C5orf47: variants seen among roughly 807,000 people sequenced by gnomAD.
C5orf47 encodes the protein chromosome 5 open reading frame 47.
In C5orf47, 20 loss-of-function variants were observed where a neutral mutation model predicts 20.6. That is an observed-to-expected ratio of 0.97 (90% confidence interval 0.68 to 1.41). The LOEUF is 1.41. Among genes scored for constraint, C5orf47 ranks in the 40% most tolerant of loss-of-function variants. C5orf47 has a pLI of 0.00. For synonymous variants in C5orf47, 106 were observed against 97.3 expected, an observed-to-expected ratio of 1.09 and a Z score of -0.53; for missense variants, 262 against 238.4, an observed-to-expected ratio of 1.10 and a Z score of -0.65.
chr5:173,999,777 A>T lies in C5orf47; in HGVS notation c.489A>T (p.Lys163Asn). Reference protein sequence around the residue: ...EENEKYRHRLKCQRLSSESSN... With the variant: ...EENEKYRHRLNCQRLSSESSN... ...ATGAAAAATATAGACACAGGCTGAA[A>T]TGCCAAAGGTTATCTAGTGAAAGTA... Residue 163 changes from lysine (K) to asparagine (N), a missense_variant, in exon 3 of 5, where the codon AAA becomes AAT. By Grantham distance (94) the Lys-to-Asn change is moderately conservative. Coordinates refer to ENST00000340147, the MANE Select transcript of C5orf47 (RefSeq NM_001144954.2). 1 of 1,534,456 alleles carries T rather than the reference A, an allele frequency of 6.5e-7. No homozygotes were observed. Among genetic ancestry groups the T allele is most frequent in the Non-Finnish European group, 8.8e-7 (1 of 1,134,606 alleles).
In C5orf47 at chr5:174,004,839, T is replaced by G. The variant is rs1262381554; in HGVS notation, c.*585T>G. Reference sequence around the variant, plus strand: ...TTAGTAAATGTATGCATTTATAATATGGATATATTATAATGGACTATATTA... The same window carrying G: ...TTAGTAAATGTATGCATTTATAATAGGGATATATTATAATGGACTATATTA... On this transcript the variant is annotated 3_prime_UTR_variant, in exon 5 of 5. Transcript: ENST00000340147. 6.6e-6 allele frequency: 1 copy of G among 152,150 alleles called. No homozygotes were observed. The highest frequency in any genetic ancestry group is 1.5e-5 in the Non-Finnish European group (1 of 68,012). 9.4% of individuals were successfully genotyped at this position (152,150 alleles called of 1,614,324 possible).
chr5:173,989,539 G>C lies in C5orf47; in HGVS notation c.276G>C (p.Gln92His). 1 of 1,523,118 alleles carries C rather than the reference G, an allele frequency of 6.6e-7. No homozygotes were observed. The highest frequency in any genetic ancestry group is 8.8e-7 in the Non-Finnish European group (1 of 1,135,028). The allele number at this position is 1,523,118 out of a possible 1,614,324, so 94.4% of individuals were successfully genotyped here. ...AGGCTGCGGCCTCTGCCTCCTCCCA[G>C]CTGCGGGCATCGAGAGTTCAGAGCG... Reference protein sequence around the residue: ...GVEAAASASSQLRASRVQSGT... With the variant: ...GVEAAASASSHLRASRVQSGT... The change falls in exon 1 of 5, where the codon CAG becomes CAC. Residue 92 changes from glutamine (Q) to histidine (H), a missense_variant. Physicochemically the swap from Gln to His is conservative, Grantham distance 24. Transcript: ENST00000340147.
rs61730190 is a variant in C5orf47 at position 173,989,362 on chromosome 5, C to A, written c.99C>A (p.Gly33=). ...AGTGCAGTGGCGTCCTGCAACTGGG[C>A]GGCCGTGGAGCTCAAGGCCTTTGGG... ...SHQCSGVLQL[G]GRGAQGLWGQ... The change falls in exon 1 of 5, where the codon GGC becomes GGA. Residue 33 remains glycine (G), a synonymous_variant. Transcript: ENST00000340147. 0.12 allele frequency: 186,897 copies of A among 1,510,714 alleles called. 12,634 individuals carry two copies. The highest frequency in any genetic ancestry group is 0.14 in the Non-Finnish European group (157,573 of 1,125,952). The allele number at this position is 1,510,714 out of a possible 1,614,324, so 93.6% of individuals were successfully genotyped here. A position where few individuals can be genotyped will look rare whatever the true frequency, so the allele number is the denominator to read the frequency against.
chr5:174,003,491 A>C (rs1347670847), intron 4 of C5orf47, among the ~76,000 whole-genome samples: 1 of 152,134 alleles, frequency 6.6e-6, no homozygotes, highest in Non-Finnish European at 1.5e-5. Context: ...TGGCATGTTG[A>C]ATTTTAGGTA....
chr5:174,008,013 T>C (rs911444533), downstream of C5orf47, among the ~76,000 whole-genome samples: 4 of 152,176 alleles, frequency 2.6e-5, no homozygotes, highest in Non-Finnish European at 4.4e-5. Context: ...GTAAAAGATG[T>C]GTGTGCTCCC....
intron 1 of C5orf47, among the ~76,000 whole-genome samples, chr5:173,990,466 GC>G (rs1255551951): frequency 1.3e-5 from 2 of 151,684 alleles, no homozygotes; most frequent in African/African-American, 4.9e-5. Context: ...ATGGAGTCTT[GC>G]CCTGTTGCCC....
chr5:173,989,638 C>T (rs1209447286), intron 1 of C5orf47, 50 bp downstream of exon 1: 35 of 1,329,342 alleles, frequency 2.6e-5, no homozygotes, highest in South Asian at 3.6e-5. Flanking sequence ...CGGGACGGGG[C>T]GGAGCGGGCT....
At chr5:174,009,238 C>T (rs1222496987), downstream of C5orf47, among the ~76,000 whole-genome samples, 1 of 152,114 alleles carries the variant, frequency 6.6e-6, no homozygotes, top group Admixed American at 6.6e-5. Context: ...CCTCCAGTGT[C>T]CTGGAGAGAT....
At chr5:174,003,259 G>A (rs1759230415) in intron 4 of C5orf47, among the ~76,000 whole-genome samples, 1 of 152,162 alleles carries the variant, frequency 6.6e-6, no homozygotes, top group Non-Finnish European at 1.5e-5. Flanking sequence ...TTTGTGGAAA[G>A]ATTTGGAATG....
intron 1 of C5orf47, among the ~76,000 whole-genome samples, chr5:173,989,894 AC>A (rs1758957068): frequency 6.6e-6 from 1 of 152,056 alleles, no homozygotes; most frequent in Non-Finnish European, 1.5e-5. Flanking sequence ...GACTTCGCAA[AC>A]CCCCTCACCT....
At chr5:174,001,666 G>A (rs1243928345) in intron 4 of C5orf47, among the ~76,000 whole-genome samples, 1 of 151,992 alleles carries the variant, frequency 6.6e-6, no homozygotes, top group African/African-American at 2.4e-5. Context: ...TGTAGGCTGT[G>A]TTATGGCCCT....
chr5:173,993,775 A>C (rs897699647), intron 1 of C5orf47, among the ~76,000 whole-genome samples: 1 of 152,224 alleles, frequency 6.6e-6, no homozygotes, highest in Non-Finnish European at 1.5e-5. Flanking sequence ...TTTGTTTACT[A>C]TTCTTTCAAA....
chr5:174,007,911 C>T (rs866660072), downstream of C5orf47, among the ~76,000 whole-genome samples: 32 of 152,140 alleles, frequency 2.1e-4, no homozygotes, highest in African/African-American at 7.2e-4. Context: ...ATTGCTTGTT[C>T]ATCCCACAGA....
chr5:174,001,432 CA>C (rs1392538405), intron 4 of C5orf47, among the ~76,000 whole-genome samples: 4 of 152,136 alleles, frequency 2.6e-5, no homozygotes, highest in Middle Eastern at 6.8e-3. Flanking sequence ...GCCCCATGTC[CA>C]TCATGCTATT....
chr5:173,998,018 T>G, intron 1 of C5orf47, 135 bp from the exon 2 acceptor site: 1 of 594,800 alleles, frequency 1.7e-6, no homozygotes, highest in South Asian at 2.1e-5. Context: ...TAAACCAGTA[T>G]TACCTGGTGA....
intron 1 of C5orf47, among the ~76,000 whole-genome samples, chr5:173,995,984 C>T (rs1027404244): frequency 1.3e-5 from 2 of 152,178 alleles, no homozygotes; most frequent in Non-Finnish European, 2.9e-5. Flanking sequence ...AGTTCCCTGT[C>T]CTTACAGAAC....
rs758806661 is a variant in C5orf47 at position 173,989,432 on chromosome 5, G to A, written c.169G>A (p.Ala57Thr). 1.3e-6 allele frequency: 2 copies of A among 1,549,616 alleles called. No homozygotes were observed. The highest frequency in any genetic ancestry group is 2.4e-5 in the East Asian group (1 of 40,928). Residue 57 changes from alanine to threonine, a missense_variant, in exon 1 of 5, where the codon GCA becomes ACA. Physicochemically the swap from Ala to Thr is moderately conservative, Grantham distance 58. Coordinates refer to ENST00000340147, the MANE Select transcript of C5orf47 (RefSeq NM_001144954.2). ...AGCRQEKPRE[A>T]MAVAGVQGGS... ...CTGTCGCCAGGAGAAGCCGAGGGAAGCAATGGCGGTGGCGGGCGTTCAGGG... is the reference window on the plus strand; with the variant it reads ...CTGTCGCCAGGAGAAGCCGAGGGAAACAATGGCGGTGGCGGGCGTTCAGGG...
downstream of C5orf47, among the ~76,000 whole-genome samples, chr5:174,006,787 C>G (rs1478568099): frequency 6.6e-6 from 1 of 152,120 alleles, no homozygotes; most frequent in Admixed American, 6.6e-5. Context: ...GTTCCTGAGT[C>G]ATGGACTATA....
At chr5:173,999,927 G>A in intron 3 of C5orf47, 128 bp downstream of exon 3, 1 of 545,048 alleles carries the variant, frequency 1.8e-6, no homozygotes, top group South Asian at 2.8e-5. Flanking sequence ...TAGAAATGAG[G>A]CTACCATATT....
Sources: gnomAD v4.1 joint callset for allele counts (sites outside exome capture counted in the v4.1 genomes callset) on GRCh38, gnomAD v4.1.1 for gene constraint, MANE v1.5 for transcripts, NCBI Gene and HGNC (gene_info 2026-07-23, HGNC 2026-07-21) for gene names.